The following SMG6 variants were observed in gnomAD, a reference collection of about 807,000 sequenced individuals.
SMG6 encodes the protein telomerase-binding protein EST1A.
SMG6 carries 66 observed loss-of-function variants against 142.2 expected under a neutral mutation model. The ratio of observed to expected loss-of-function variants is 0.46; its 90% confidence interval spans 0.38 to 0.57. The LOEUF is 0.57. Among genes scored for constraint, SMG6 ranks in the 20% least tolerant of loss-of-function variants. The pLI, the probability that SMG6 is intolerant of heterozygous loss-of-function variation, is 0.00. For missense variants in SMG6, 1,793 were observed against 1,832.0 expected (o/e 0.98, Z 0.39); for synonymous variants, 779 against 702.4 (o/e 1.11, Z -1.72).
At chr17:2,186,564 C>T in intron 12 of SMG6, 99 bp downstream of exon 12, 8 of 1,353,580 alleles carry the variant, frequency 5.9e-6, no homozygotes, top group Non-Finnish European at 6.1e-6. Context: ...GGCAGGCAGG[C>T]TGTGGGCAGA....
intron 15 of SMG6, among the ~76,000 whole-genome samples, chr17:2,069,886 C>T (rs539952682): frequency 6.6e-6 from 1 of 152,332 alleles, no homozygotes; most frequent in East Asian, 1.9e-4. Flanking sequence ...CTATTATTTA[C>T]TCGACGTTTT....
intron 12 of SMG6, among the ~76,000 whole-genome samples, chr17:2,174,689 C>T (rs754669683): frequency 1.4e-4 from 21 of 152,178 alleles, no homozygotes; most frequent in Non-Finnish European, 2.5e-4. Context: ...TTTCTAAAGC[C>T]TCTCTCAGCG....
intron 13 of SMG6, among the ~76,000 whole-genome samples, chr17:2,166,872 C>G (rs2071354173): frequency 6.6e-6 from 1 of 152,108 alleles, no homozygotes; most frequent in Non-Finnish European, 1.5e-5. Flanking sequence ...TGCCTGTAAT[C>G]CTAGCACTCT....
chr17:2,146,893 A>G (rs191809963), intron 13 of SMG6, among the ~76,000 whole-genome samples: 106 of 152,300 alleles, frequency 7.0e-4, no homozygotes, highest in African/African-American at 2.4e-3. Flanking sequence ...AAATCTTTAC[A>G]AAGTGCTTTC....
intron 10 of SMG6, among the ~76,000 whole-genome samples, chr17:2,208,148 T>C (rs940981190): frequency 6.6e-6 from 1 of 151,876 alleles, no homozygotes; most frequent in Non-Finnish European, 1.5e-5. Context: ...AATAAATAAA[T>C]AAAGGGTCCC....
intron 13 of SMG6, among the ~76,000 whole-genome samples, chr17:2,164,183 G>A (rs994952812): frequency 6.6e-6 from 1 of 151,794 alleles, no homozygotes; most frequent in Non-Finnish European, 1.5e-5. Context: ...TTGGGAGGCT[G>A]AGGTGGAGGC....
In SMG6 at chr17:2,103,603, G is replaced by A. The variant is rs565295834; in HGVS notation, c.3358-17702C>T. Reference sequence around the variant, plus strand: ...TTTAATCACCTGTTTAGTGTTCTGAGGACTCTTGTCAGCGGCCTCACTGAG... The same window carrying A: ...TTTAATCACCTGTTTAGTGTTCTGAAGACTCTTGTCAGCGGCCTCACTGAG... On this transcript the variant is annotated intron_variant, in intron 13 of 18. Transcript: ENST00000263073. 5.3e-5 allele frequency among the ~76,000 whole-genome samples: 8 copies of A among 152,322 alleles called. No individual in the cohort carries two copies. The South Asian group carries it at 1.7e-3, about 32-fold the overall frequency.
chr17:2,182,319 T>C (rs867903410), intron 12 of SMG6, among the ~76,000 whole-genome samples: 3 of 152,178 alleles, frequency 2.0e-5, no homozygotes, highest in Middle Eastern at 3.2e-3. Flanking sequence ...TTCCTTTGTG[T>C]GGCCCCAGCT....
At chr17:2,079,885 GC>G (rs2068365386) in intron 15 of SMG6, among the ~76,000 whole-genome samples, 1 of 151,764 alleles carries the variant, frequency 6.6e-6, no homozygotes, top group Non-Finnish European at 1.5e-5. Context: ...GACCAGCCTG[GC>G]CAACATGGTG....
intron 10 of SMG6, among the ~76,000 whole-genome samples, chr17:2,197,256 G>C (rs2072357802): frequency 6.6e-6 from 1 of 152,162 alleles, no homozygotes; most frequent in Non-Finnish European, 1.5e-5. Flanking sequence ...CTAGTAACCA[G>C]ATTACATATA....
intron 6 of SMG6, among the ~76,000 whole-genome samples, chr17:2,286,915 A>T (rs2074917402): frequency 6.7e-6 from 1 of 148,678 alleles, no homozygotes; most frequent in East Asian, 1.9e-4. Flanking sequence ...AACACAAAAC[A>T]TAAAATAATT....
At chr17:2,061,797 C>T in intron 18 of SMG6, 175 bp from the exon 19 acceptor site, 2 of 680,476 alleles carry the variant, frequency 2.9e-6, no homozygotes, top group Non-Finnish European at 4.9e-6. Context: ...CCCTCCCCTG[C>T]TGGCCTAGAG....
intron 13 of SMG6, chr17:2,101,637 C>T (rs1411204470): frequency 6.6e-6 from 1 of 152,204 alleles, no homozygotes; most frequent in Non-Finnish European, 1.5e-5. Context: ...GTAATAAAAC[C>T]TGCTGCATGC....
chr17:2,198,057 T>C (rs929392897), intron 10 of SMG6, among the ~76,000 whole-genome samples: 20 of 152,212 alleles, frequency 1.3e-4, no homozygotes, highest in African/African-American at 4.6e-4. Flanking sequence ...TTATTCATAA[T>C]GGCCCCAAAC....
At chr17:2,061,871 C>T (rs956330350) in intron 18 of SMG6, 5 of 461,910 alleles carry the variant, frequency 1.1e-5, no homozygotes, top group South Asian at 6.8e-5. Flanking sequence ...CTGCCTAGTT[C>T]CCAAAAGCTG....
intron 10 of SMG6, among the ~76,000 whole-genome samples, chr17:2,211,666 TAAA>T (rs58516730): frequency 5.2e-5 from 7 of 135,168 alleles, no homozygotes; most frequent in Admixed American, 7.5e-5. Flanking sequence ...TCCATCTAAT[TAAA>T]AAAAAAAAAA....
chr17:2,255,554 G>A (rs1379489246), intron 8 of SMG6, among the ~76,000 whole-genome samples: 3 of 151,866 alleles, frequency 2.0e-5, no homozygotes, highest in South Asian at 2.1e-4. Context: ...TGCCCCGTCC[G>A]GGAGGGAGGT....
chr17:2,298,094 C>A (rs1472589508), intron 2 of SMG6, 39 bp from the exon 3 acceptor site: 2 of 1,549,768 alleles, frequency 1.3e-6, no homozygotes, highest in African/African-American at 1.4e-5. Context: ...TCCAAATACA[C>A]CACAGAAAAA....
chr17:2,131,964 C>T (rs900297919), intron 13 of SMG6, among the ~76,000 whole-genome samples: 1 of 151,858 alleles, frequency 6.6e-6, no homozygotes, highest in African/African-American at 2.4e-5. Flanking sequence ...CCCAGCTACC[C>T]GGGAGACTGA....
Sources: allele counts gnomAD v4.1 joint callset (sites outside exome capture counted in the v4.1 genomes callset), GRCh38; gene constraint gnomAD v4.1.1; transcripts MANE v1.5; gene names NCBI Gene and HGNC (gene_info 2026-07-23, HGNC 2026-07-21).